Variants in UBXN2A observed in about 807,000 individuals in gnomAD.
UBXN2A encodes UBX domain protein 2A.
In UBXN2A, 28 loss-of-function variants were observed where a neutral mutation model predicts 28.4. The ratio of observed to expected loss-of-function variants is 0.99; its 90% CI spans 0.73 to 1.35. The LOEUF is 1.35. Ranked by LOEUF, UBXN2A falls within the 40% of genes most tolerant of loss-of-function variation. UBXN2A has a pLI of 0.00. For synonymous variants in UBXN2A, 97 were observed against 103.6 expected (o/e 0.94, Z 0.39); for missense variants, 253 against 297.9 (o/e 0.85, Z 1.11).
intron 1 of UBXN2A, among the ~76,000 whole-genome samples, chr2:23,950,156 A>G (rs867755002): frequency 9.2e-5 from 14 of 152,222 alleles, no homozygotes; most frequent in Middle Eastern, 3.4e-3. Context: ...GTAATAAGCA[A>G]TATCACACAA....
chr2:23,979,044 T>A (rs1408877012), intron 4 of UBXN2A, among the ~76,000 whole-genome samples: 1 of 151,856 alleles, frequency 6.6e-6, no homozygotes, highest in Non-Finnish European at 1.5e-5. Flanking sequence ...TTTTTTTAAG[T>A]ATTAAGAACT....
intron 1 of UBXN2A, among the ~76,000 whole-genome samples, chr2:23,954,910 C>T (rs1203650773): frequency 2.0e-5 from 3 of 151,034 alleles, no homozygotes; most frequent in Admixed American, 6.6e-5. Context: ...AGGAGTGTGC[C>T]ACTGTGCCCA....
rs13339879 is a variant in UBXN2A, at chr2:23,973,370, G to A, written c.180+1956G>A. Reference sequence around the variant, plus strand: ...TTTTTTTTCTCTGAGACAGAGTCTCGCTGTGTCGCCCAGGCTGGAGTGCAG... The same window carrying A: ...TTTTTTTTCTCTGAGACAGAGTCTCACTGTGTCGCCCAGGCTGGAGTGCAG... On this transcript the variant is annotated intron_variant, in intron 3 of 6. Coordinates refer to ENST00000309033, the MANE Select transcript of UBXN2A (RefSeq NM_181713.4). 7.5e-3 allele frequency among the ~76,000 whole-genome samples: 1,082 copies of A among 143,632 alleles called. 6 individuals carry two copies. Among genetic ancestry groups the A allele is most frequent in the Admixed American group, 0.011 (161 of 14,144 alleles). The allele number at this position is 143,632 out of a possible 152,430, so 94.2% of individuals were successfully genotyped here.
chr2:23,971,787 T>A (rs1052720495), intron 3 of UBXN2A, among the ~76,000 whole-genome samples: 1 of 152,034 alleles, frequency 6.6e-6, no homozygotes, highest in Non-Finnish European at 1.5e-5. Flanking sequence ...CAAAACTGTT[T>A]TCATAATAGA....
chr2:23,964,216 C>T (rs11125333), intron 2 of UBXN2A, among the ~76,000 whole-genome samples: 91,802 of 138,142 alleles, frequency 0.66, 28,387 homozygotes, highest in East Asian at 0.81. Flanking sequence ...TTATCCAATC[C>T]TTTTTTTTTT....
chr2:23,943,382 T>C (rs571534827), intron 1 of UBXN2A, among the ~76,000 whole-genome samples: 10 of 152,284 alleles, frequency 6.6e-5, no homozygotes, highest in East Asian at 3.9e-4. Context: ...AATGAAGGCA[T>C]TGAAAATTTA....
At chr2:23,949,702 C>T (rs1334306624) in intron 1 of UBXN2A, among the ~76,000 whole-genome samples, 2 of 151,880 alleles carry the variant, frequency 1.3e-5, no homozygotes, top group Non-Finnish European at 2.9e-5. Flanking sequence ...TGGTGAAACG[C>T]TGTCTCTACT....
intron 4 of UBXN2A, among the ~76,000 whole-genome samples, chr2:23,982,204 C>CAAA (rs145235779): frequency 2.1e-5 from 3 of 141,492 alleles, no homozygotes; most frequent in Non-Finnish European, 3.1e-5. Flanking sequence ...CTAAAAATAC[C>CAAA]AAAAAAAAAA....
intron 4 of UBXN2A, among the ~76,000 whole-genome samples, chr2:23,977,573 G>A (rs1006391365): frequency 2.0e-5 from 3 of 150,592 alleles, no homozygotes; most frequent in Non-Finnish European, 3.0e-5. Context: ...CCCGAGAGGC[G>A]GAGGTTGCAG....
At chr2:23,958,616 T>G (rs1447654798) in intron 2 of UBXN2A, among the ~76,000 whole-genome samples, 1 of 152,250 alleles carries the variant, frequency 6.6e-6, no homozygotes, top group Non-Finnish European at 1.5e-5. Flanking sequence ...ATAAATTAAA[T>G]AACTATTTAC....
intron 2 of UBXN2A, among the ~76,000 whole-genome samples, chr2:23,959,107 A>G (rs1307317462): frequency 6.6e-6 from 1 of 152,220 alleles, no homozygotes; most frequent in African/African-American, 2.4e-5. Flanking sequence ...TGCTAGGATT[A>G]TAAGCGTGAG....
intron 1 of UBXN2A, among the ~76,000 whole-genome samples, chr2:23,957,889 A>C (rs1236773435): frequency 1.3e-5 from 2 of 152,120 alleles, no homozygotes; most frequent in Non-Finnish European, 2.9e-5. Context: ...TGGCCTCCCA[A>C]AGTGCTGGGA....
upstream of UBXN2A, among the ~76,000 whole-genome samples, chr2:23,938,796 TTATA>T (rs1705615703): frequency 6.6e-6 from 1 of 152,110 alleles, no homozygotes; most frequent in African/African-American, 2.4e-5. Context: ...AGAAATAAAT[TTATA>T]CATCCATGGT....
At chr2:23,948,036 A>G (rs191406293) in intron 1 of UBXN2A, among the ~76,000 whole-genome samples, 61 of 150,310 alleles carry the variant, frequency 4.1e-4, no homozygotes, top group African/African-American at 1.5e-3. Flanking sequence ...TGTGTTTTTA[A>G]TAGAGACAGG....
At chr2:23,995,774 G>A (rs72781657) in intron 6 of UBXN2A, among the ~76,000 whole-genome samples, 3,203 of 151,772 alleles carry the variant, frequency 0.021, 49 homozygotes, top group Middle Eastern at 0.034. Flanking sequence ...AAATAGTTAC[G>A]TCAAAGCATT....
chr2:23,994,975 T>C (rs559655816), intron 6 of UBXN2A, among the ~76,000 whole-genome samples: 12 of 152,330 alleles, frequency 7.9e-5, no homozygotes, highest in African/African-American at 1.7e-4. Flanking sequence ...CTCCTCCACA[T>C]TGGCAGAGCT....
At chr2:23,941,945 G>A (rs1159771298) in intron 1 of UBXN2A, among the ~76,000 whole-genome samples, 2 of 152,204 alleles carry the variant, frequency 1.3e-5, no homozygotes, top group Non-Finnish European at 2.9e-5. Flanking sequence ...GGCGTGATGG[G>A]GGGCGTCTGT....
chr2:23,972,043 G>A (rs1272159262), intron 3 of UBXN2A, among the ~76,000 whole-genome samples: 1 of 152,106 alleles, frequency 6.6e-6, no homozygotes, highest in East Asian at 1.9e-4. Context: ...AGGCTGCAGT[G>A]AGCCATGACC....
intron 1 of UBXN2A, among the ~76,000 whole-genome samples, chr2:23,951,898 G>A (rs774345061): frequency 7.9e-5 from 12 of 151,536 alleles, no homozygotes; most frequent in Non-Finnish European, 1.0e-4. Context: ...GGAATACTAC[G>A]TTTGAAGGAA....
Sources: gnomAD v4.1 joint callset for allele counts (sites outside exome capture counted in the v4.1 genomes callset) on GRCh38, gnomAD v4.1.1 for gene constraint, MANE v1.5 for transcripts, NCBI Gene and HGNC (gene_info 2026-07-23, HGNC 2026-07-21) for gene names.